The following POC1B variants were observed in gnomAD, a reference collection of about 807,000 sequenced individuals.
POC1B encodes POC1 centriolar protein homolog B.
POC1B carries 44 observed loss-of-function variants against 60.6 expected under a neutral mutation model. The observed-to-expected ratio is 0.73, with a 90% CI of 0.57 to 0.93. The LOEUF (loss-of-function observed/expected upper bound fraction) is 0.93, where lower values mean the gene tolerates loss of function less well. Ranked by LOEUF, POC1B falls within the 40% of genes least tolerant of loss-of-function variation. The pLI is 0.00. For synonymous variants in POC1B, 180 were observed against 198.9 expected (o/e 0.90, Z 0.80); for missense variants, 555 against 572.3 (o/e 0.97, Z 0.31).
intron 2 of POC1B, 90 bp downstream of exon 2, chr12:89,525,030 T>C (rs1320328984): frequency 1.3e-6 from 2 of 1,564,910 alleles, no homozygotes; most frequent in East Asian, 4.7e-5. Context: ...CCTTAGCCGT[T>C]CTCCTAGGGA....
At chr12:89,500,595 C>A in intron 2 of POC1B, 3 of 1,601,180 alleles carry the variant, frequency 1.9e-6, no homozygotes, top group Non-Finnish European at 2.6e-6. Flanking sequence ...GCAAAAACAT[C>A]TGTATCGCAA....
intron 2 of POC1B, chr12:89,499,950 C>G: frequency 8.2e-6 from 5 of 610,584 alleles, no homozygotes; most frequent in Non-Finnish European, 1.4e-5. Context: ...GCAGCTCTTG[C>G]GGCGGCCATC....
At chr12:89,494,125 A>C (rs1239606779) in intron 3 of POC1B, among the ~76,000 whole-genome samples, 1 of 152,148 alleles carries the variant, frequency 6.6e-6, no homozygotes, top group Non-Finnish European at 1.5e-5. Flanking sequence ...ACTGCAGCTC[A>C]AACTCCTGCG....
chr12:89,471,234 T>C lies in POC1B; in HGVS notation c.676+380A>G, dbSNP rs539869320. On this transcript the variant is annotated intron_variant, in intron 6 of 11. Transcript: ENST00000313546. ...CACTTCTCTTTTAGTTCAATATCAA[T>C]ACATAGGCATAGTAGGTAGTTGTTT... Among the ~76,000 whole-genome samples, 7 of 152,336 alleles carry C rather than the reference T, an allele frequency of 4.6e-5. No homozygotes were observed. In the East Asian group the frequency reaches 1.2e-3, roughly 25 times the overall value.
At chr12:89,465,693 C>T (rs2061366900) in intron 9 of POC1B, among the ~76,000 whole-genome samples, 1 of 151,746 alleles carries the variant, frequency 6.6e-6, no homozygotes. Flanking sequence ...GAAGTGGTAA[C>T]ATGATTAATA....
chr12:89,523,959 G>A, intron 2 of POC1B: 2 of 1,613,776 alleles, frequency 1.2e-6, no homozygotes, highest in Non-Finnish European at 8.5e-7. Context: ...TCCTAATCAA[G>A]CGTACTCTAT....
intron 2 of POC1B, chr12:89,502,439 T>G: frequency 1.5e-6 from 2 of 1,299,262 alleles, no homozygotes; most frequent in Middle Eastern, 1.8e-4. Flanking sequence ...CCAGGCAAAA[T>G]ATCGTCTAAA....
intron 10 of POC1B, among the ~76,000 whole-genome samples, chr12:89,432,308 C>T (rs1881064634): frequency 7.2e-6 from 1 of 138,956 alleles, no homozygotes; most frequent in Admixed American, 8.1e-5. Context: ...ATCACTTGAA[C>T]CTGGGAGGTG....
chr12:89,417,332 A>C (rs1433891101), downstream of POC1B, among the ~76,000 whole-genome samples: 1 of 152,136 alleles, frequency 6.6e-6, no homozygotes, highest in African/African-American at 2.4e-5. Context: ...CCCACCAACT[A>C]ATCTCCACCT....
chr12:89,499,968 A>G, intron 2 of POC1B: 1 of 687,002 alleles, frequency 1.5e-6, no homozygotes, highest in African/African-American at 1.8e-5. Context: ...ATCGCCTTCG[A>G]CTTAAGGGTG....
chr12:89,497,143 A>G (rs751495595), intron 3 of POC1B, 28 bp downstream of exon 3: 3 of 1,605,362 alleles, frequency 1.9e-6, no homozygotes, highest in African/African-American at 1.3e-5. Flanking sequence ...AATCCAAAGG[A>G]TATCAAGTGT....
chr12:89,441,060 C>T (rs1344456651), intron 10 of POC1B, among the ~76,000 whole-genome samples: 2 of 152,218 alleles, frequency 1.3e-5, no homozygotes, highest in Non-Finnish European at 2.9e-5. Context: ...AGCAGCAAGG[C>T]TGGGGGAGGG....
At position 89,471,607 on chromosome 12, in the gene POC1B, T is replaced by C. The variant is rs188516060; in HGVS notation, c.676+7A>G. On this transcript the variant is annotated splice_region_variant and intron_variant, in intron 6 of 11. Transcript: ENST00000313546. ...GTAACTGAATTTTTTGTTAGGAAAATTGTTACCTTGGTAATGCTGTAGTAA... is the reference window on the plus strand; with the variant it reads ...GTAACTGAATTTTTTGTTAGGAAAACTGTTACCTTGGTAATGCTGTAGTAA... The C allele has an allele frequency of 3.0e-5, 47 of 1,591,070 alleles. No homozygotes were observed. In the East Asian group the frequency reaches 3.6e-4, roughly 12 times the overall value.
the POC1B span, among the ~76,000 whole-genome samples, chr12:89,403,812 T>C: frequency 6.6e-6 from 1 of 152,144 alleles, no homozygotes; most frequent in African/African-American, 2.4e-5. Context: ...TAGTTGTCTC[T>C]ATCCTCCCTT....
At chr12:89,478,126 T>C (rs114112042) in intron 4 of POC1B, among the ~76,000 whole-genome samples, 84 of 144,846 alleles carry the variant, frequency 5.8e-4, no homozygotes, top group Admixed American at 9.7e-4. Flanking sequence ...TTCATTCATT[T>C]ATTGATAGAC....
chr12:89,488,707 G>A (rs960755229), intron 4 of POC1B, among the ~76,000 whole-genome samples: 1 of 152,074 alleles, frequency 6.6e-6, no homozygotes, highest in Non-Finnish European at 1.5e-5. Flanking sequence ...GGCTGGTTTT[G>A]AACTCCTGAC....
chr12:89,410,191 C>T, the POC1B span, among the ~76,000 whole-genome samples: 39 of 152,202 alleles, frequency 2.6e-4, no homozygotes, highest in East Asian at 7.1e-3. Context: ...ATAAACAGAA[C>T]CAGTGACAAA....
chr12:89,403,012 A>ATT, the POC1B span, among the ~76,000 whole-genome samples: 1 of 139,418 alleles, frequency 7.2e-6, no homozygotes, highest in Non-Finnish European at 1.6e-5. Context: ...ACACAAACAC[A>ATT]TTTTTTTTTT....
chr12:89,517,896 C>T (rs1162548034), intron 2 of POC1B, among the ~76,000 whole-genome samples: 1 of 152,086 alleles, frequency 6.6e-6, no homozygotes, highest in Non-Finnish European at 1.5e-5. Context: ...AGAGTGCCTC[C>T]TCTTCCCCTT....
Sources: gnomAD v4.1 joint callset for allele counts (sites outside exome capture counted in the v4.1 genomes callset) on GRCh38, gnomAD v4.1.1 for gene constraint, MANE v1.5 for transcripts, NCBI Gene and HGNC (gene_info 2026-07-23, HGNC 2026-07-21) for gene names.